TENM3: variants seen among roughly 807,000 people sequenced by gnomAD.
TENM3 encodes teneurin transmembrane protein 3, also known as teneurin-3.
Under a neutral mutation model 255.1 loss-of-function variants are expected in TENM3, and 63 were observed. That is an observed-to-expected ratio of 0.25 (90% CI 0.20 to 0.30). The LOEUF (loss-of-function observed/expected upper bound fraction) is 0.30. TENM3 is among the 10% of genes least tolerant of loss of function. The pLI is 1.00. For missense variants in TENM3, 2,929 were observed against 3,461.1 expected, an observed-to-expected ratio of 0.85 and a Z score of 3.86; for synonymous variants, 1,306 against 1,322.3, an observed-to-expected ratio of 0.99 and a Z score of 0.27.
At chr4:182,598,361 C>A (rs1747485335) in intron 3 of TENM3, among the ~76,000 whole-genome samples, 1 of 152,184 alleles carries the variant, frequency 6.6e-6, no homozygotes, top group Non-Finnish European at 1.5e-5. Flanking sequence ...AAACAGCACA[C>A]TGCTGCACTA....
At chr4:182,047,372 G>A in the TENM3 span, among the ~76,000 whole-genome samples, 1 of 151,906 alleles carries the variant, frequency 6.6e-6, no homozygotes. Context: ...GACCATCCTG[G>A]CCAACATGGT....
chr4:182,107,097 G>A, the TENM3 span, among the ~76,000 whole-genome samples: 1 of 151,762 alleles, frequency 6.6e-6, no homozygotes, highest in South Asian at 2.1e-4. Context: ...AGTGTTATGA[G>A]GCAGGTTCAC....
intron 2 of TENM3, among the ~76,000 whole-genome samples, chr4:182,330,882 C>G (rs1763704458): frequency 1.3e-5 from 2 of 152,188 alleles, no homozygotes; most frequent in Admixed American, 1.3e-4. Flanking sequence ...CAGCAAAATC[C>G]AGCAGTTGGA....
the TENM3 span, among the ~76,000 whole-genome samples, chr4:181,967,006 GCTCTCTCTCT>G: frequency 6.9e-6 from 1 of 145,158 alleles, no homozygotes; most frequent in Admixed American, 6.9e-5. Context: ...TCTCTCTCTC[GCTCTCTCTCT>G]CTCTCTCTAG....
At chr4:181,869,987 A>G in the TENM3 span, among the ~76,000 whole-genome samples, 2 of 152,170 alleles carry the variant, frequency 1.3e-5, no homozygotes, top group Non-Finnish European at 1.5e-5. Context: ...GGGCAATTCT[A>G]CTTATCCACA....
chr4:182,266,373 A>T (rs1241218603), intron 1 of TENM3, among the ~76,000 whole-genome samples: 1 of 152,246 alleles, frequency 6.6e-6, no homozygotes, highest in East Asian at 1.9e-4. Flanking sequence ...AACAAGTTGT[A>T]GAAAACTTCT....
chr4:182,250,586 G>A (rs1010230041), intron 1 of TENM3, among the ~76,000 whole-genome samples: 26 of 152,258 alleles, frequency 1.7e-4, no homozygotes, highest in Admixed American at 1.4e-3. Flanking sequence ...AATCGCTAAC[G>A]AATTTGGTTC....
chr4:181,767,170 T>C, the TENM3 span, among the ~76,000 whole-genome samples: 5 of 141,536 alleles, frequency 3.5e-5, no homozygotes, highest in Admixed American at 7.7e-5. Context: ...GAGAATGGCG[T>C]GAACCCGGGA....
chr4:181,986,412 T>C, the TENM3 span, among the ~76,000 whole-genome samples: 1 of 152,046 alleles, frequency 6.6e-6, no homozygotes, highest in Non-Finnish European at 1.5e-5. Flanking sequence ...CTTCCAAGTG[T>C]TCTGGCTCTG....
the TENM3 span, among the ~76,000 whole-genome samples, chr4:181,993,455 T>C: frequency 6.6e-6 from 1 of 152,166 alleles, no homozygotes; most frequent in African/African-American, 2.4e-5. Flanking sequence ...TCTATCTACT[T>C]ATTTGGTAGC....
intron 1 of TENM3, among the ~76,000 whole-genome samples, chr4:182,201,184 G>A (rs567110663): frequency 2.0e-5 from 3 of 152,214 alleles, no homozygotes; most frequent in Non-Finnish European, 2.9e-5. Flanking sequence ...CAGATAGTAC[G>A]TTAGAAAAAG....
the TENM3 span, among the ~76,000 whole-genome samples, chr4:182,137,769 G>A: frequency 6.6e-6 from 1 of 152,076 alleles, no homozygotes; most frequent in Non-Finnish European, 1.5e-5. Flanking sequence ...TAAAGAAACT[G>A]TATCTTTTTC....
rs962462002 is a variant in TENM3 at position 182,178,282 on chromosome 4, C to T, written c.-76+33528C>T. Among the ~76,000 whole-genome samples, 7 of 152,184 alleles carry T rather than the reference C, an allele frequency of 4.6e-5. No individual in the cohort carries two copies. In the South Asian group the frequency reaches 6.2e-4, roughly 14 times the overall value. On this transcript the variant is annotated intron_variant, in intron 1 of 2. Transcript: ENST00000512480. ...CCACTTTATTCTTTTAGATAGATGG[C>T]GTCAATTTCTACTGCCTCACCAAAA... is the stretch of plus-strand genomic sequence containing the variant.
At chr4:182,381,648 G>T (rs540250177) in intron 3 of TENM3, among the ~76,000 whole-genome samples, 1 of 141,578 alleles carries the variant, frequency 7.1e-6, no homozygotes, top group African/African-American at 2.6e-5. Flanking sequence ...TGCAACATCC[G>T]CCTCCAGCGT....
upstream of TENM3, among the ~76,000 whole-genome samples, chr4:182,240,649 G>T (rs545954915): frequency 1.1e-4 from 17 of 152,268 alleles, no homozygotes; most frequent in South Asian, 1.9e-3. Flanking sequence ...AATTCTCCCT[G>T]CGAGTCCCGG....
chr4:182,237,375 C>CTTTT (rs57257112), intron 1 of TENM3, among the ~76,000 whole-genome samples: 9 of 148,130 alleles, frequency 6.1e-5, no homozygotes, highest in East Asian at 2.0e-4. Context: ...ATTCTGTTTT[C>CTTTT]TTTTTTTTGA....
At chr4:181,850,648 C>T in the TENM3 span, among the ~76,000 whole-genome samples, 50 of 152,084 alleles carry the variant, frequency 3.3e-4, no homozygotes, top group African/African-American at 1.1e-3. Context: ...ATTCTCCTTA[C>T]GTGTTTTTTT....
the TENM3 span, among the ~76,000 whole-genome samples, chr4:181,986,519 T>G: frequency 2.0e-5 from 3 of 152,114 alleles, no homozygotes; most frequent in Admixed American, 2.0e-4. Flanking sequence ...TATCCAAGTC[T>G]GGTGGGGGTT....
intron 3 of TENM3, among the ~76,000 whole-genome samples, chr4:182,392,870 T>C (rs971452152): frequency 1.3e-5 from 2 of 152,150 alleles, no homozygotes; most frequent in African/African-American, 4.8e-5. Context: ...TGAAGTTTAA[T>C]GGTGAATGAG....
Sources: allele counts gnomAD v4.1 joint callset (sites outside exome capture counted in the v4.1 genomes callset), GRCh38; gene constraint gnomAD v4.1.1; transcripts MANE v1.5; gene names NCBI Gene and HGNC (gene_info 2026-07-23, HGNC 2026-07-21).